OSBPL9: variants seen among roughly 807,000 people sequenced by gnomAD.
OSBPL9 encodes the protein oxysterol binding protein like 9.
Under a neutral mutation model 106.6 loss-of-function variants are expected in OSBPL9, and 40 were observed. The observed-to-expected ratio is 0.38, with a 90% CI of 0.29 to 0.49. The LOEUF is 0.49. Among genes scored for constraint, OSBPL9 ranks in the 20% least tolerant of loss-of-function variants. OSBPL9 has a pLI of 0.97. For missense variants in OSBPL9, 609 were observed against 887.2 expected, an observed-to-expected ratio of 0.69 and a Z score of 3.98; for synonymous variants, 269 against 295.4, an observed-to-expected ratio of 0.91 and a Z score of 0.92.
chr1:51,675,730 C>G (rs184152372), intron 3 of OSBPL9, among the ~76,000 whole-genome samples: 29 of 152,106 alleles, frequency 1.9e-4, no homozygotes, highest in Admixed American at 1.7e-3. Flanking sequence ...ATGGCTCAAT[C>G]TAATAGAAGA....
intron 1 of OSBPL9, among the ~76,000 whole-genome samples, chr1:51,587,866 C>T (rs1570532291): frequency 6.6e-6 from 1 of 152,338 alleles, no homozygotes; most frequent in Non-Finnish European, 1.5e-5. Context: ...GAGGCTTCCG[C>T]CTCACCACTC....
At chr1:51,604,062 C>T (rs1643917015) in intron 2 of OSBPL9, among the ~76,000 whole-genome samples, 1 of 152,132 alleles carries the variant, frequency 6.6e-6, no homozygotes. Context: ...TTGCTCTGTG[C>T]ACAGGCCAAG....
chr1:51,546,557 C>T, the OSBPL9 span, among the ~76,000 whole-genome samples: 3 of 151,914 alleles, frequency 2.0e-5, no homozygotes, highest in South Asian at 6.2e-4. Context: ...ATTAGCTAGG[C>T]ATGATGAAGG....
chr1:51,621,424 T>G lies in OSBPL9; in HGVS notation c.111+4203T>G, dbSNP rs534805183. Among the ~76,000 whole-genome samples, 8 of 151,972 alleles carry G rather than the reference T, an allele frequency of 5.3e-5. No individual in the cohort carries two copies. In the South Asian group the frequency reaches 1.7e-3, roughly 32 times the overall value. The stretch of plus-strand genomic sequence containing the variant: ...AGCCTCTCCCTTCAAGGAGAATCAC[T>G]TGAACCAGGAAGTGGAGTTTGCAGT... On this transcript the variant is annotated intron_variant, in intron 1 of 23. Transcript: ENST00000428468.
At chr1:51,599,626 T>C (rs1645317997) in intron 2 of OSBPL9, among the ~76,000 whole-genome samples, 1 of 152,170 alleles carries the variant, frequency 6.6e-6, no homozygotes, top group Admixed American at 6.5e-5. Context: ...AATCTTTTGA[T>C]CCAAAAATTC....
At chr1:51,527,725 G>C in the OSBPL9 span, among the ~76,000 whole-genome samples, 1 of 152,094 alleles carries the variant, frequency 6.6e-6, no homozygotes, top group African/African-American at 2.4e-5. Flanking sequence ...AATTGGCCTT[G>C]TAAGCTAATA....
intron 11 of OSBPL9, among the ~76,000 whole-genome samples, chr1:51,763,371 A>G (rs1393448551): frequency 1.3e-5 from 2 of 152,138 alleles, no homozygotes; most frequent in Non-Finnish European, 2.9e-5. Context: ...GGATACTATC[A>G]GTGTTAGATA....
chr1:51,690,717 G>A (rs765951136), intron 3 of OSBPL9, among the ~76,000 whole-genome samples: 5 of 152,170 alleles, frequency 3.3e-5, no homozygotes, highest in African/African-American at 4.8e-5. Flanking sequence ...AACAGATAAA[G>A]ATCCCTGCCT....
intron 2 of OSBPL9, among the ~76,000 whole-genome samples, chr1:51,607,164 CTTTTTTT>C (rs1320905927): frequency 7.3e-6 from 1 of 136,384 alleles, no homozygotes; most frequent in African/African-American, 2.7e-5. Flanking sequence ...TTTTCTTTTT[CTTTTTTT>C]TTTTTTTTTT....
chr1:51,628,332 T>C (rs886395940), intron 1 of OSBPL9, among the ~76,000 whole-genome samples: 1 of 152,222 alleles, frequency 6.6e-6, no homozygotes, highest in Admixed American at 6.5e-5. Context: ...CCATTTTGTA[T>C]TGTATTTCTT....
At chr1:51,755,174 A>G (rs1220540131) in intron 8 of OSBPL9, among the ~76,000 whole-genome samples, 1 of 152,168 alleles carries the variant, frequency 6.6e-6, no homozygotes, top group African/African-American at 2.4e-5. Context: ...ATGGCAGCCC[A>G]AGCAGATTAA....
intron 22 of OSBPL9, among the ~76,000 whole-genome samples, chr1:51,787,096 C>G (rs1677829580): frequency 6.6e-6 from 1 of 152,186 alleles, no homozygotes; most frequent in Admixed American, 6.6e-5. Context: ...TCCCAGGTCT[C>G]AGCTTCCACT....
At chr1:51,552,723 C>G in the OSBPL9 span, among the ~76,000 whole-genome samples, 1 of 152,038 alleles carries the variant, frequency 6.6e-6, no homozygotes, top group Non-Finnish European at 1.5e-5. Context: ...CTCCCAGGTT[C>G]AAGTGATTCT....
chr1:51,552,920 G>A, the OSBPL9 span, among the ~76,000 whole-genome samples: 2 of 151,432 alleles, frequency 1.3e-5, no homozygotes, highest in African/African-American at 4.9e-5. Flanking sequence ...ACCATACCTG[G>A]TCTTTCCATT....
At chr1:51,536,662 G>A in the OSBPL9 span, among the ~76,000 whole-genome samples, 1 of 152,038 alleles carries the variant, frequency 6.6e-6, no homozygotes, top group Non-Finnish European at 1.5e-5. Context: ...TAGTTCCCCA[G>A]TCTTTCACTA....
chr1:51,653,432 T>C (rs143478015), intron 2 of OSBPL9, among the ~76,000 whole-genome samples: 1 of 152,300 alleles, frequency 6.6e-6, no homozygotes, highest in East Asian at 1.9e-4. Flanking sequence ...ACTGGTTTTG[T>C]CTGTCTTTAT....
chr1:51,695,953 T>C (rs550650381), intron 3 of OSBPL9, among the ~76,000 whole-genome samples: 2 of 152,168 alleles, frequency 1.3e-5, no homozygotes, highest in Non-Finnish European at 2.9e-5. Flanking sequence ...GAACAGTACA[T>C]ACAATCTAAC....
At chr1:51,732,498 C>T (rs1486224168) in intron 4 of OSBPL9, among the ~76,000 whole-genome samples, 2 of 152,210 alleles carry the variant, frequency 1.3e-5, no homozygotes, top group East Asian at 3.8e-4. Context: ...AATTAAGCCA[C>T]GTATTCCTCC....
intron 1 of OSBPL9, among the ~76,000 whole-genome samples, chr1:51,621,454 C>T (rs147159806): frequency 1.2e-3 from 177 of 149,644 alleles, no homozygotes; most frequent in African/African-American, 4.1e-3. Flanking sequence ...TGCAGTGAGC[C>T]GAGATGGTCC....
Sources: gnomAD v4.1 joint callset for allele counts (sites outside exome capture counted in the v4.1 genomes callset) on GRCh38, gnomAD v4.1.1 for gene constraint, MANE v1.5 for transcripts, NCBI Gene and HGNC (gene_info 2026-07-23, HGNC 2026-07-21) for gene names.